Variants in RAPGEF6 observed in about 807,000 individuals in gnomAD.
RAPGEF6 encodes the protein Rap guanine nucleotide exchange factor 6, also known as PDZ domain containing guanine nucleotide exchange factor (GEF) 2.
RAPGEF6 carries 56 observed loss-of-function variants against 171.4 expected under a neutral mutation model. That is an observed-to-expected ratio of 0.33 (90% CI 0.26 to 0.41). The LOEUF (loss-of-function observed/expected upper bound fraction) is 0.41. RAPGEF6 is among the 10% of genes least tolerant of loss of function. The pLI, the probability that RAPGEF6 is intolerant of heterozygous loss-of-function variation, is 1.00. For synonymous variants in RAPGEF6, 692 were observed against 650.1 expected, an observed-to-expected ratio of 1.06 and a Z score of -0.98; for missense variants, 1,674 against 1,921.4, an observed-to-expected ratio of 0.87 and a Z score of 2.41.
At chr5:131,444,225 G>A (rs1435703983) in intron 22 of RAPGEF6, among the ~76,000 whole-genome samples, 1 of 152,208 alleles carries the variant, frequency 6.6e-6, no homozygotes, top group African/African-American at 2.4e-5. Context: ...ATAAGAATCA[G>A]AGAATGTCTT....
At chr5:131,448,083 A>C (rs999971747) in intron 21 of RAPGEF6, among the ~76,000 whole-genome samples, 1 of 152,220 alleles carries the variant, frequency 6.6e-6, no homozygotes, top group South Asian at 2.1e-4. Flanking sequence ...TTCCAAAGCT[A>C]GCCTGAGAGC....
chr5:131,613,215 CCTGT>C (rs1341059626), intron 1 of RAPGEF6, among the ~76,000 whole-genome samples: 1 of 152,160 alleles, frequency 6.6e-6, no homozygotes, highest in African/African-American at 2.4e-5. Flanking sequence ...TCAAGACCAT[CCTGT>C]CTAACACGGT....
At position 131,523,657 on chromosome 5, in the gene RAPGEF6, G is replaced by C. The variant is rs148320965; in HGVS notation, c.496-2136C>G. 4.4e-3 allele frequency among the ~76,000 whole-genome samples: 670 copies of C among 152,186 alleles called. 2 individuals carry two copies. Among genetic ancestry groups the C allele is most frequent in the South Asian group, 8.7e-3 (42 of 4,830 alleles). On this transcript the variant is annotated intron_variant, in intron 6 of 27. Coordinates refer to ENST00000509018, the MANE Select transcript of RAPGEF6 (RefSeq NM_016340.6). ...AAGAGCCACAGGAGATTCAGTGAGA[G>C]AATGTGACATCTGAAAAACCAGAGC...
rs1203563721 is a variant in RAPGEF6, at chr5:131,426,955, T to C, written c.*311A>G. On this transcript the variant is annotated 3_prime_UTR_variant, in exon 28 of 28. Coordinates refer to ENST00000509018, the MANE Select transcript of RAPGEF6 (RefSeq NM_016340.6). ...AAATAGCTTGTTAAAGAAAAATCTA[T>C]AGCAATATACACAAGGATCACTCTG... 10 of 324,760 alleles carry C rather than the reference T, an allele frequency of 3.1e-5. No individual in the cohort carries two copies. The East Asian group carries it at 4.9e-4, about 16-fold the overall frequency. The allele number at this position is 324,760 out of a possible 1,614,324, so 20.1% of individuals were successfully genotyped here. A position where few individuals can be genotyped will look rare whatever the true frequency, so the allele number is the denominator to read the frequency against.
chr5:131,443,240 G>A lies in RAPGEF6; in HGVS notation c.3422-703C>T, dbSNP rs753114037. ...TTACAGGCGTGAGCCACTGCGCCTG[G>A]CCTATTTTTGTATTTTTAGTAGAGA... On this transcript the variant is annotated intron_variant, in intron 22 of 27. Coordinates refer to ENST00000509018, the MANE Select transcript of RAPGEF6 (RefSeq NM_016340.6). 2.2e-4 allele frequency among the ~76,000 whole-genome samples: 33 copies of A among 152,110 alleles called. 1 individual carries two copies. The South Asian group carries it at 2.3e-3, about 11-fold the overall frequency.
chr5:131,629,484 T>C (rs1054645215), intron 1 of RAPGEF6, among the ~76,000 whole-genome samples: 7 of 151,072 alleles, frequency 4.6e-5, no homozygotes, highest in African/African-American at 1.7e-4. Context: ...GAATTAGAAA[T>C]AGAGCCTGGG....
chr5:131,591,801 A>T (rs1763606766), intron 4 of RAPGEF6, among the ~76,000 whole-genome samples: 1 of 152,206 alleles, frequency 6.6e-6, no homozygotes, highest in South Asian at 2.1e-4. Flanking sequence ...TCTACACCCA[A>T]TAACAGCAAT....
At chr5:131,522,061 G>A (rs552534271) in intron 6 of RAPGEF6, among the ~76,000 whole-genome samples, 1 of 152,258 alleles carries the variant, frequency 6.6e-6, no homozygotes, top group South Asian at 2.1e-4. Context: ...AAAATTCTGT[G>A]AGCATCTTTA....
chr5:131,546,001 T>G (rs1360969886), intron 6 of RAPGEF6, among the ~76,000 whole-genome samples: 1 of 152,188 alleles, frequency 6.6e-6, no homozygotes, highest in Non-Finnish European at 1.5e-5. Flanking sequence ...GAAATCAGTA[T>G]ATCTAGAAGA....
chr5:131,500,223 C>T (rs1019963987), intron 11 of RAPGEF6, among the ~76,000 whole-genome samples: 1 of 152,010 alleles, frequency 6.6e-6, no homozygotes, highest in East Asian at 1.9e-4. Flanking sequence ...AAATAAGGTA[C>T]GAAAATCGTT....
chr5:131,504,868 CTA>C (rs2149888774), intron 10 of RAPGEF6, 90 bp from the exon 11 acceptor site: 2 of 1,206,112 alleles, frequency 1.7e-6, no homozygotes, highest in East Asian at 5.3e-5. Context: ...GGTAAGAAAT[CTA>C]GCGGCATTAG....
chr5:131,548,078 G>C lies in RAPGEF6; in HGVS notation c.464C>G (p.Thr155Ser), dbSNP rs751267950. The change falls in exon 6 of 28, where the codon ACT (threonine) becomes AGT (serine). Residue 155 changes from threonine (T) to serine (S), a missense_variant. This residue lies in a region of RAPGEF6 where 1,116 missense variants were observed against 1,321.5 expected (regional missense o/e 0.84). Coordinates refer to ENST00000509018, the MANE Select transcript of RAPGEF6 (RefSeq NM_016340.6). ...ATAGCTGTTAACCTCCACATCATCA[G>C]TAATGGTTTGGCGCTCTCCTTTATA... ...INYKGERQTITDDVEVNSYLS... is the reference protein window; with the variant it reads ...INYKGERQTISDDVEVNSYLS... 6.2e-7 allele frequency: 1 copy of C among 1,613,906 alleles called. No individual in the cohort carries two copies. Among genetic ancestry groups the C allele is most frequent in the Non-Finnish European group, 8.5e-7 (1 of 1,179,932 alleles).
At chr5:131,601,950 G>A (rs557714485) in intron 3 of RAPGEF6, among the ~76,000 whole-genome samples, 1 of 151,254 alleles carries the variant, frequency 6.6e-6, no homozygotes, top group South Asian at 2.1e-4. Flanking sequence ...CAGGAGAATG[G>A]CACGAACCCA....
intron 24 of RAPGEF6, among the ~76,000 whole-genome samples, chr5:131,436,650 TGAAAG>T (rs961483556): frequency 6.6e-6 from 1 of 152,154 alleles, no homozygotes; most frequent in Admixed American, 6.5e-5. Flanking sequence ...AAAAAACTGT[TGAAAG>T]GAAGCCAAGC....
chr5:131,505,536 CA>C lies in RAPGEF6; in HGVS notation c.943-15del, dbSNP rs1757319054. 1 of 1,603,630 alleles carries C rather than the reference CA, an allele frequency of 6.2e-7. No homozygotes were observed. The highest frequency in any genetic ancestry group is 8.5e-7 in the Non-Finnish European group (1 of 1,174,610). ...CCATGAGTCAAGCTATAGAGAAAAA[CA>C]AAGGTTTTATGAATCTTTTTAAAAA... On this transcript the variant is annotated splice_polypyrimidine_tract_variant and intron_variant, in intron 9 of 27. Coordinates refer to ENST00000509018, the MANE Select transcript of RAPGEF6 (RefSeq NM_016340.6).
At chr5:131,429,343 G>A in intron 26 of RAPGEF6, 127 bp from the exon 27 acceptor site, 1 of 807,816 alleles carries the variant, frequency 1.2e-6, no homozygotes, top group Non-Finnish European at 1.9e-6. Context: ...AAACTTGAAT[G>A]ATGGCAGATC....
At chr5:131,579,344 G>A (rs946429298) in intron 4 of RAPGEF6, among the ~76,000 whole-genome samples, 3 of 152,204 alleles carry the variant, frequency 2.0e-5, no homozygotes, top group African/African-American at 7.2e-5. Context: ...TCCACAGTGT[G>A]GAAGGGGACA....
chr5:131,601,413 G>A (rs1432108082), intron 3 of RAPGEF6, among the ~76,000 whole-genome samples: 1 of 148,778 alleles, frequency 6.7e-6, no homozygotes, highest in Non-Finnish European at 1.5e-5. Flanking sequence ...AGGAAAAGTG[G>A]CACAGTGGAA....
chr5:131,500,855 T>C (rs528590790), intron 11 of RAPGEF6, among the ~76,000 whole-genome samples: 5 of 152,218 alleles, frequency 3.3e-5, no homozygotes, highest in Admixed American at 6.5e-5. Context: ...GGGCCTGGCA[T>C]AGAGTACCAT....
Sources: gnomAD v4.1 joint callset for allele counts (sites outside exome capture counted in the v4.1 genomes callset) on GRCh38, gnomAD v4.1.1 for gene constraint, gnomAD v4.1.1 regional missense constraint, MANE v1.5 for transcripts, NCBI Gene and HGNC (gene_info 2026-07-23, HGNC 2026-07-21) for gene names.